The following PXYLP1 variants were observed in gnomAD, a reference collection of about 807,000 sequenced individuals.
PXYLP1 encodes acid phosphatase-like 2.
In PXYLP1, 17 loss-of-function variants were observed where a neutral mutation model predicts 37.9. The ratio of observed to expected loss-of-function variants is 0.45; its 90% CI spans 0.31 to 0.67. PXYLP1 has a LOEUF of 0.67. Among genes scored for constraint, PXYLP1 ranks in the 30% least tolerant of loss-of-function variants. PXYLP1 has a pLI of 0.07. For missense variants in PXYLP1, 511 were observed against 612.0 expected, an observed-to-expected ratio of 0.84 and a Z score of 1.74; for synonymous variants, 221 against 232.2, an observed-to-expected ratio of 0.95 and a Z score of 0.44.
chr3:141,253,615 C>T (rs1371360380), intron 1 of PXYLP1, among the ~76,000 whole-genome samples: 1 of 151,694 alleles, frequency 6.6e-6, no homozygotes, highest in East Asian at 1.9e-4. Flanking sequence ...TTGATAGAGC[C>T]TAGTGATCTG....
chr3:141,237,148 C>A (rs930860615), intron 1 of PXYLP1, among the ~76,000 whole-genome samples: 4 of 152,112 alleles, frequency 2.6e-5, no homozygotes, highest in Admixed American at 1.3e-4. Context: ...ACCTGGATAT[C>A]CCTGCCCACG....
chr3:141,247,248 A>G (rs986574835), intron 1 of PXYLP1, among the ~76,000 whole-genome samples: 2 of 152,250 alleles, frequency 1.3e-5, no homozygotes, highest in South Asian at 2.1e-4. Context: ...CTGCACTGGT[A>G]GGTGGGGCCG....
chr3:141,275,536 G>A (rs878888386), intron 2 of PXYLP1, among the ~76,000 whole-genome samples: 1 of 152,262 alleles, frequency 6.6e-6, no homozygotes, highest in Admixed American at 6.5e-5. Flanking sequence ...ATCAAGGACT[G>A]AGCCAGCCAG....
chr3:141,260,266 CG>C lies in PXYLP1; in HGVS notation c.79+15del. 6.2e-7 allele frequency: 1 copy of C among 1,611,808 alleles called. No individual in the cohort carries two copies. Among genetic ancestry groups the C allele is most frequent in the East Asian group, 2.2e-5 (1 of 44,876 alleles). ...CAGCCTGCAGTTCTGTGAGTAGAGC[CG>C]GGCCCCGCAGGTCGTGGGAGGGTAG... On this transcript the variant is annotated intron_variant, in intron 2 of 5. Coordinates refer to ENST00000286353, the MANE Select transcript of PXYLP1 (RefSeq NM_001037172.3).
intron 4 of PXYLP1, among the ~76,000 whole-genome samples, chr3:141,284,055 A>G (rs533986178): frequency 6.6e-6 from 1 of 152,224 alleles, no homozygotes; most frequent in East Asian, 1.9e-4. Context: ...ATTTTCATGG[A>G]TATAATTATG....
rs545061605 is a variant in PXYLP1, at chr3:141,287,369, G to A, written c.421G>A (p.Gly141Arg). Residue 141 changes from glycine (G) to arginine (R), a missense_variant, in exon 5 of 6, where the codon GGA becomes AGA. Gly to Arg is a moderately radical substitution (Grantham distance 125). Coordinates refer to ENST00000286353, the MANE Select transcript of PXYLP1 (RefSeq NM_001037172.3). ...AFISHMSKGS[G>R]ASFESPLNSL... ...CATTAGTCACATGTCAAAAGGATCC[G>A]GAGCCTCTTTCGAAAGCCCCTTGAA... 1.2e-5 allele frequency: 20 copies of A among 1,614,082 alleles called. No homozygotes were observed. Among genetic ancestry groups the A allele is most frequent in the South Asian group, 3.3e-5 (3 of 91,082 alleles).
rs747677786 is a variant in PXYLP1 at position 141,293,193 on chromosome 3, G to A, written c.1431G>A (p.Arg477=). Residue 477 remains arginine, a synonymous_variant, in exon 6 of 6, where the codon AGG becomes AGA. Coordinates refer to ENST00000286353, the MANE Select transcript of PXYLP1 (RefSeq NM_001037172.3). ...CAAATTATTATGATGCATGTCACAG[G>A]GAAGGATTCTAAAAGGTATGCAGTA... ...SGTNYYDACH[R]EGF 1 of 1,613,194 alleles carries A rather than the reference G, an allele frequency of 6.2e-7. No homozygotes were observed. The highest frequency in any genetic ancestry group is 1.1e-5 in the South Asian group (1 of 90,958).
chr3:141,272,390 A>G (rs1324361192), intron 2 of PXYLP1, among the ~76,000 whole-genome samples: 1 of 152,062 alleles, frequency 6.6e-6, no homozygotes, highest in Non-Finnish European at 1.5e-5. Context: ...TTCCATGGGG[A>G]CCATCAATGG....
At position 141,289,751 on chromosome 3, in the gene PXYLP1, G is replaced by A. The variant is rs146705137; in HGVS notation, c.505+2298G>A. On this transcript the variant is annotated intron_variant, in intron 5 of 5. Coordinates refer to ENST00000286353, the MANE Select transcript of PXYLP1 (RefSeq NM_001037172.3). ...TGAACTTGCAAATCCAAATTCTTGA[G>A]AGAGGGAGAATCCTTGAGGTCCTAG... Among the ~76,000 whole-genome samples, 386 of 152,260 alleles carry A rather than the reference G, an allele frequency of 2.5e-3. 1 individual carries two copies. Among genetic ancestry groups the A allele is most frequent in the African/African-American group, 8.9e-3 (368 of 41,546 alleles).
intron 4 of PXYLP1, among the ~76,000 whole-genome samples, chr3:141,285,060 G>A (rs1942038846): frequency 6.6e-6 from 1 of 151,950 alleles, no homozygotes; most frequent in Non-Finnish European, 1.5e-5. Flanking sequence ...TCAGATCCAG[G>A]TCCAGGACTC....
intron 1 of PXYLP1, among the ~76,000 whole-genome samples, chr3:141,249,401 C>T (rs1941089790): frequency 1.3e-5 from 2 of 150,060 alleles, no homozygotes; most frequent in African/African-American, 2.5e-5. Context: ...AAATGCAGGC[C>T]TTGATAACCT....
chr3:141,287,523 TCTC>T, intron 5 of PXYLP1, 70 bp downstream of exon 5: 1 of 1,555,874 alleles, frequency 6.4e-7, no homozygotes, highest in Non-Finnish European at 8.7e-7. Flanking sequence ...TCCGAGCAGT[TCTC>T]CTGGGCGGGG....
intron 2 of PXYLP1, among the ~76,000 whole-genome samples, chr3:141,261,612 G>A (rs1511377): frequency 0.83 from 126,436 of 152,122 alleles, 52,953 homozygotes; most frequent in African/African-American, 0.93. Flanking sequence ...ACAGGCGTGA[G>A]CCACCACGCC....
chr3:141,247,947 C>A (rs1940998916), intron 1 of PXYLP1, among the ~76,000 whole-genome samples: 1 of 151,974 alleles, frequency 6.6e-6, no homozygotes, highest in Non-Finnish European at 1.5e-5. Flanking sequence ...GTTACATCAA[C>A]CTGGAGTTGT....
intron 4 of PXYLP1, 72 bp downstream of exon 4, chr3:141,279,576 C>CTACA: frequency 6.4e-7 from 1 of 1,573,472 alleles, no homozygotes; most frequent in Non-Finnish European, 8.7e-7. Flanking sequence ...ATGACAGGAC[C>CTACA]TACACTTGGT....
chr3:141,237,986 G>A (rs1345308551), intron 1 of PXYLP1, among the ~76,000 whole-genome samples: 1 of 152,228 alleles, frequency 6.6e-6, no homozygotes, highest in African/African-American at 2.4e-5. Flanking sequence ...GATCTGTTTA[G>A]TCACCTGGTT....
intron 4 of PXYLP1, among the ~76,000 whole-genome samples, chr3:141,282,543 C>T (rs972332502): frequency 2.0e-5 from 3 of 151,860 alleles, no homozygotes; most frequent in Admixed American, 2.0e-4. Context: ...GTCTGCTTCC[C>T]CAGGCTAGAA....
chr3:141,268,208 T>A (rs3856755), intron 2 of PXYLP1, among the ~76,000 whole-genome samples: 1,729 of 33,802 alleles, frequency 0.051, 11 homozygotes, highest in Non-Finnish European at 0.09. Flanking sequence ...AGAGAGAGAG[T>A]GTGTGTGTGT....
intron 1 of PXYLP1, among the ~76,000 whole-genome samples, chr3:141,241,274 G>A (rs9819541): frequency 0.23 from 34,702 of 151,968 alleles, 4,165 homozygotes; most frequent in African/African-American, 0.24. Flanking sequence ...GGGCTATTCC[G>A]TCCGCAGCAT....
Sources: allele counts gnomAD v4.1 joint callset (sites outside exome capture counted in the v4.1 genomes callset), GRCh38; gene constraint gnomAD v4.1.1; transcripts MANE v1.5; gene names NCBI Gene and HGNC (gene_info 2026-07-23, HGNC 2026-07-21).